The following MCPH1 variants were observed in gnomAD, a reference collection of about 807,000 sequenced individuals.
MCPH1 encodes the protein microcephalin 1.
In MCPH1, 104 loss-of-function variants were observed where a neutral mutation model predicts 84.5. The observed-to-expected ratio is 1.23, with a 90% CI of 1.05 to 1.45. The LOEUF (loss-of-function observed/expected upper bound fraction) is 1.45. MCPH1 is among the 40% of genes most tolerant of loss of function. MCPH1 has a pLI of 0.00. For synonymous variants in MCPH1, 514 were observed against 366.8 expected, an observed-to-expected ratio of 1.40 and a Z score of -4.58; for missense variants, 1,498 against 1,005.7, an observed-to-expected ratio of 1.49 and a Z score of -6.62.
At chr8:6,504,774 G>C (rs1812941788) in intron 12 of MCPH1, among the ~76,000 whole-genome samples, 1 of 152,110 alleles carries the variant, frequency 6.6e-6, no homozygotes, top group South Asian at 2.1e-4. Context: ...TTATTGTTAA[G>C]TCTCTTGTGA....
intron 1 of MCPH1, among the ~76,000 whole-genome samples, chr8:6,407,570 T>C (rs1797920565): frequency 6.6e-6 from 1 of 152,174 alleles, no homozygotes; most frequent in African/African-American, 2.4e-5. Flanking sequence ...GGGGCCTGTA[T>C]TGTGGGGCCT....
chr8:6,638,293 T>A (rs1392116321), intron 13 of MCPH1, among the ~76,000 whole-genome samples: 1 of 152,156 alleles, frequency 6.6e-6, no homozygotes, highest in Non-Finnish European at 1.5e-5. Context: ...TGTGGCTAGA[T>A]CTCCTAGCCC....
intron 12 of MCPH1, among the ~76,000 whole-genome samples, chr8:6,551,145 T>G (rs980376816): frequency 6.6e-6 from 1 of 152,228 alleles, no homozygotes; most frequent in Non-Finnish European, 1.5e-5. Flanking sequence ...TCTGTGCTGA[T>G]GCTGACTTAG....
intron 12 of MCPH1, among the ~76,000 whole-genome samples, chr8:6,597,112 A>G (rs896090272): frequency 2.6e-5 from 4 of 152,188 alleles, no homozygotes; most frequent in Non-Finnish European, 5.9e-5. Flanking sequence ...TGATCTCAGC[A>G]CTTCTTGTAC....
chr8:6,436,284 T>C (rs554940599), intron 5 of MCPH1, 122 bp downstream of exon 5: 3 of 1,112,904 alleles, frequency 2.7e-6, no homozygotes, highest in Non-Finnish European at 3.8e-6. Context: ...CTTTACTCTA[T>C]GAAGGAGAAA....
chr8:6,494,765 A>G (rs1811056947), intron 11 of MCPH1, among the ~76,000 whole-genome samples: 1 of 152,202 alleles, frequency 6.6e-6, no homozygotes, highest in Non-Finnish European at 1.5e-5. Context: ...GGGAGTGATT[A>G]CTTAACAGGT....
At chr8:6,504,865 A>T (rs1812965350) in intron 12 of MCPH1, among the ~76,000 whole-genome samples, 1 of 152,156 alleles carries the variant, frequency 6.6e-6, no homozygotes, top group African/African-American at 2.4e-5. Context: ...GTGTGATTTC[A>T]GGCATTTGCT....
chr8:6,454,920 A>G (rs960487065), intron 8 of MCPH1, among the ~76,000 whole-genome samples: 1 of 152,248 alleles, frequency 6.6e-6, no homozygotes, highest in Non-Finnish European at 1.5e-5. Context: ...AGAACACTGT[A>G]ACCTGATTGT....
rs138202491 is a variant in MCPH1 at position 6,580,126 on chromosome 8, C to T, written c.2215-41328C>T. On this transcript the variant is annotated intron_variant, in intron 12 of 13. Transcript: ENST00000344683. ...TGGGACAATGGGAAGTATCGGTAGA[C>T]GCTATGGTGGGAAGATGACTCTGTG... Among the ~76,000 whole-genome samples, 288 of 152,274 alleles carry T rather than the reference C, an allele frequency of 1.9e-3. 3 individuals carry two copies. Among genetic ancestry groups the T allele is most frequent in the African/African-American group, 6.6e-3 (275 of 41,558 alleles).
At chr8:6,420,694 C>T (rs1223394023) in intron 3 of MCPH1, among the ~76,000 whole-genome samples, 2 of 152,120 alleles carry the variant, frequency 1.3e-5, no homozygotes, top group Non-Finnish European at 2.9e-5. Context: ...AGTATCATGT[C>T]TTGCTTCAGT....
intron 12 of MCPH1, among the ~76,000 whole-genome samples, chr8:6,548,575 C>T (rs1823028281): frequency 6.6e-6 from 1 of 152,146 alleles, no homozygotes. Context: ...GCAAGGCAGG[C>T]TGATGAGCCA....
rs184899295 is a variant in MCPH1 at position 6,477,386 on chromosome 8, T to C, written c.1936-208T>C. 1.4e-5 allele frequency: 8 copies of C among 555,276 alleles called. No homozygotes were observed. In the East Asian group the frequency reaches 2.1e-4, roughly 15 times the overall value. 34.4% of individuals were successfully genotyped at this position (555,276 alleles called of 1,614,324 possible). ...TCTTGTACCTCATGTCTGGATTATT[T>C]TGGATTGCTTTGGGGACAGTATCTG... On this transcript the variant is annotated intron_variant, in intron 9 of 13. Transcript: ENST00000344683.
chr8:6,521,295 C>T (rs1304697648), intron 12 of MCPH1: 3 of 1,613,572 alleles, frequency 1.9e-6, no homozygotes, highest in African/African-American at 2.7e-5. Flanking sequence ...TCTAGTTCTT[C>T]AATGATGGAA....
intron 3 of MCPH1, among the ~76,000 whole-genome samples, chr8:6,417,277 G>A (rs1389771401): frequency 1.3e-5 from 2 of 152,108 alleles, no homozygotes; most frequent in African/African-American, 4.8e-5. Context: ...TCTGTAAAGG[G>A]ACAGATAGTC....
intron 12 of MCPH1, among the ~76,000 whole-genome samples, chr8:6,550,101 G>T (rs1322105663): frequency 2.0e-5 from 3 of 152,198 alleles, no homozygotes; most frequent in African/African-American, 4.8e-5. Flanking sequence ...GTCTTCAAAA[G>T]AATTACATTT....
At chr8:6,533,885 G>A (rs1398483423) in intron 12 of MCPH1, among the ~76,000 whole-genome samples, 1 of 152,172 alleles carries the variant, frequency 6.6e-6, no homozygotes, top group Non-Finnish European at 1.5e-5. Flanking sequence ...AGGATGGGAA[G>A]GGTAGAGTTT....
At position 6,414,215 on chromosome 8, in the gene MCPH1, C is replaced by T. The variant is rs1798932525; in HGVS notation, c.115-550C>T. ...TAGAGACAAGGTTTCACCAGGTTGG[C>T]TAGGCTGGTCTCAAACTGCTGACCT... On this transcript the variant is annotated intron_variant, in intron 2 of 13. Coordinates refer to ENST00000344683, the MANE Select transcript of MCPH1 (RefSeq NM_024596.5). Among the ~76,000 whole-genome samples, 3 of 152,206 alleles carry T rather than the reference C, an allele frequency of 2.0e-5. No homozygotes were observed. In the South Asian group the frequency reaches 6.2e-4, roughly 31 times the overall value.
At chr8:6,489,096 T>TA (rs766081018) in intron 11 of MCPH1, among the ~76,000 whole-genome samples, 20 of 151,964 alleles carry the variant, frequency 1.3e-4, no homozygotes, top group Non-Finnish European at 2.4e-4. Flanking sequence ...TGGGGTACAA[T>TA]AAAAAATTGA....
intron 9 of MCPH1, among the ~76,000 whole-genome samples, chr8:6,475,197 C>T (rs1808289884): frequency 6.6e-6 from 1 of 152,220 alleles, no homozygotes; most frequent in Non-Finnish European, 1.5e-5. Context: ...AGTTCCCCTG[C>T]CACACTGGGC....
Sources: gnomAD v4.1 joint callset for allele counts (sites outside exome capture counted in the v4.1 genomes callset) on GRCh38, gnomAD v4.1.1 for gene constraint, MANE v1.5 for transcripts, NCBI Gene and HGNC (gene_info 2026-07-23, HGNC 2026-07-21) for gene names.